The following NFATC3 variants were observed in gnomAD, a reference collection of about 807,000 sequenced individuals.
NFATC3 encodes the protein nuclear factor of activated T cells 3.
Under a neutral mutation model 98.6 loss-of-function variants are expected in NFATC3, and 46 were observed. The observed-to-expected ratio is 0.47, with a 90% CI of 0.37 to 0.60. NFATC3 has a LOEUF of 0.60. NFATC3 is among the 20% of genes least tolerant of loss of function. The pLI is 0.00. For synonymous variants in NFATC3, 512 were observed against 472.2 expected (o/e 1.08, Z -1.09); for missense variants, 1,256 against 1,295.5 (o/e 0.97, Z 0.47).
At chr16:68,099,175 T>C (rs1035477734) in intron 1 of NFATC3, among the ~76,000 whole-genome samples, 2 of 152,364 alleles carry the variant, frequency 1.3e-5, no homozygotes, top group East Asian at 3.9e-4. Context: ...GGCTCACGCC[T>C]GTAGTCCCAG....
intron 9 of NFATC3, among the ~76,000 whole-genome samples, chr16:68,202,361 G>T (rs1466924133): frequency 1.3e-5 from 2 of 152,082 alleles, no homozygotes; most frequent in Admixed American, 6.6e-5. Context: ...CAAAAAGCAG[G>T]TGCTTTTTAA....
At chr16:68,178,221 C>G (rs9924767) in intron 6 of NFATC3, among the ~76,000 whole-genome samples, 7,087 of 152,198 alleles carry the variant, frequency 0.047, 526 homozygotes, top group African/African-American at 0.16. Flanking sequence ...AAATGTCTCA[C>G]TGATACTTAA....
intron 1 of NFATC3, among the ~76,000 whole-genome samples, chr16:68,111,516 C>G (rs1442271185): frequency 1.3e-5 from 2 of 152,114 alleles, no homozygotes; most frequent in African/African-American, 4.8e-5. Context: ...CTGTGCATGT[C>G]TTTGCATGTT....
intron 6 of NFATC3, among the ~76,000 whole-genome samples, chr16:68,179,871 A>G (rs1400235766): frequency 6.6e-6 from 1 of 152,154 alleles, no homozygotes; most frequent in African/African-American, 2.4e-5. Context: ...GGGCTGGGAG[A>G]AAAATACCAA....
At chr16:68,168,245 C>A (rs1409868452) in intron 5 of NFATC3, among the ~76,000 whole-genome samples, 1 of 152,046 alleles carries the variant, frequency 6.6e-6, no homozygotes. Flanking sequence ...ACTGCATCCT[C>A]CACCTCCAGA....
chr16:68,118,528 C>A (rs2036408341), intron 1 of NFATC3, among the ~76,000 whole-genome samples: 1 of 152,132 alleles, frequency 6.6e-6, no homozygotes, highest in Non-Finnish European at 1.5e-5. Flanking sequence ...TCTCTTCTAA[C>A]CTCTTAACTC....
chr16:68,145,298 C>T (rs2037987732), intron 3 of NFATC3, among the ~76,000 whole-genome samples: 1 of 151,960 alleles, frequency 6.6e-6, no homozygotes, highest in South Asian at 2.1e-4. Flanking sequence ...TGTGCGCCAC[C>T]ATGCCCAGCT....
chr16:68,224,274 C>CTT (rs952835724), intron 9 of NFATC3, among the ~76,000 whole-genome samples: 4,920 of 121,592 alleles, frequency 0.04, 208 homozygotes, highest in Middle Eastern at 0.11. Context: ...TAAGCCAAAT[C>CTT]TTTTTTTTTT....
intron 1 of NFATC3, among the ~76,000 whole-genome samples, chr16:68,112,268 CTTTTTTTTTTTT>C (rs768228927): frequency 3.2e-4 from 25 of 77,424 alleles, no homozygotes; most frequent in Middle Eastern, 7.8e-3. Context: ...TAGGTTCAGT[CTTTTTTTTTTTT>C]TTTTTTTTTT....
intron 4 of NFATC3, 57 bp from the exon 5 acceptor site, chr16:68,166,786 T>C: frequency 7.4e-7 from 1 of 1,346,548 alleles, no homozygotes; most frequent in Non-Finnish European, 1.0e-6. Flanking sequence ...TGTAGTTGAG[T>C]TGTTTATAAC....
At position 68,221,365 on chromosome 16, in the gene NFATC3, C is replaced by T. The variant is rs76257727; in HGVS notation, c.3107-4985C>T. ...GCAGAGGACTTGCATGATTAACACT[C>T]GGCTCAAGTTATTGCTAAAGGTCTG... On this transcript the variant is annotated intron_variant, in intron 9 of 9. Coordinates refer to ENST00000346183, the MANE Select transcript of NFATC3 (RefSeq NM_173165.3). 8,192 of 1,578,108 alleles carry T rather than the reference C, an allele frequency of 5.2e-3. 325 individuals carry two copies. In the African/African-American group the frequency reaches 0.088, roughly 17 times the overall value.
At chr16:68,155,862 C>G (rs555473965) in intron 3 of NFATC3, among the ~76,000 whole-genome samples, 154 of 152,172 alleles carry the variant, frequency 1.0e-3, no homozygotes, top group African/African-American at 3.4e-3. Context: ...AGAGAAAACA[C>G]TCAATGGTAG....
Position 68,122,917 on chromosome 16 carries a change from A to C in NFATC3, c.1034A>C (p.Glu345Ala), listed in dbSNP as rs1449793416. 10 of 1,614,106 alleles carry C rather than the reference A, an allele frequency of 6.2e-6. No homozygotes were observed. The highest frequency in any genetic ancestry group is 8.5e-6 in the Non-Finnish European group (10 of 1,180,048). ...CCTCTCAAAACAAGGAAAACTTCTGAAGATCAAGCTGCCATACTACCAGGA... is the reference window on the plus strand; with the variant it reads ...CCTCTCAAAACAAGGAAAACTTCTGCAGATCAAGCTGCCATACTACCAGGA... ...DIPLKTRKTS[E>A]DQAAILPGKL... The change falls in exon 2 of 10, where the codon GAA becomes GCA. Residue 345 changes from glutamate (E) to alanine (A), a missense_variant. By Grantham distance (107) the Glu-to-Ala change is moderately radical (BLOSUM62 -1). Around this residue, in one of 3 missense-constraint regions of NFATC3, gnomAD observed 464 missense variants for 465.7 expected, o/e 1.00. Coordinates refer to ENST00000346183, the MANE Select transcript of NFATC3 (RefSeq NM_173165.3).
At chr16:68,224,063 G>A (rs2041958393) in intron 9 of NFATC3, among the ~76,000 whole-genome samples, 1 of 149,272 alleles carries the variant, frequency 6.7e-6, no homozygotes, top group African/African-American at 2.5e-5. Flanking sequence ...TGGCTAACAT[G>A]GTGAAACCCC....
intron 1 of NFATC3, among the ~76,000 whole-genome samples, chr16:68,110,632 G>GT (rs1426282258): frequency 6.6e-6 from 1 of 151,638 alleles, no homozygotes; most frequent in African/African-American, 2.4e-5. Context: ...TTTTTTAAGG[G>GT]TTTTTTTGTG....
intron 7 of NFATC3, 75 bp downstream of exon 7, chr16:68,181,605 A>T: frequency 9.1e-7 from 1 of 1,103,648 alleles, no homozygotes; most frequent in Non-Finnish European, 1.4e-6. Flanking sequence ...GCTTTATGGT[A>T]TGGATGACTC....
intron 5 of NFATC3, among the ~76,000 whole-genome samples, chr16:68,171,755 G>A (rs1567532594): frequency 6.6e-6 from 1 of 152,086 alleles, no homozygotes; most frequent in Non-Finnish European, 1.5e-5. Context: ...GATTACAGAC[G>A]TGAGCCACCA....
chr16:68,185,601 C>T (rs1039252604), intron 8 of NFATC3, among the ~76,000 whole-genome samples: 1 of 151,834 alleles, frequency 6.6e-6, no homozygotes, highest in African/African-American at 2.4e-5. Context: ...AGGGGCCGGG[C>T]GCGGTGGCTC....
rs934984560 is a variant in NFATC3, at chr16:68,085,705, C to G, written c.24C>G (p.Ala8=). The G allele has an allele frequency of 6.6e-7, 1 of 1,515,510 alleles. No individual in the cohort carries two copies. The allele number at this position is 1,515,510 out of a possible 1,614,324, so 93.9% of individuals were successfully genotyped here. Residue 8 remains alanine (A), a synonymous_variant, in exon 1 of 10, where the codon GCC becomes GCG. Coordinates refer to ENST00000346183, the MANE Select transcript of NFATC3 (RefSeq NM_173165.3). MTTANCG[A]HDELDFKLVF... The stretch of plus-strand genomic sequence containing the variant: ...CGATGACTACTGCAAACTGTGGCGC[C>G]CACGACGAGCTCGACTTCAAACTCG...
Sources: gnomAD v4.1 joint callset for allele counts (sites outside exome capture counted in the v4.1 genomes callset) on GRCh38, gnomAD v4.1.1 for gene constraint, gnomAD v4.1.1 regional missense constraint, MANE v1.5 for transcripts, NCBI Gene and HGNC (gene_info 2026-07-23, HGNC 2026-07-21) for gene names.